The following TAFA2 variants were observed in gnomAD, a reference collection of about 807,000 sequenced individuals.
TAFA2 encodes the protein TAFA chemokine like family member 2.
A neutral mutation model predicts 18.8 loss-of-function variants in TAFA2; 7 were observed. The ratio of observed to expected loss-of-function variants is 0.37; its 90% CI spans 0.21 to 0.70. The LOEUF (loss-of-function observed/expected upper bound fraction) is 0.70. TAFA2 is among the 30% of genes least tolerant of loss of function. TAFA2 has a pLI of 0.53. For synonymous variants in TAFA2, 60 were observed against 54.2 expected (o/e 1.11, Z -0.47); for missense variants, 122 against 158.1 (o/e 0.77, Z 1.23).
intron 2 of TAFA2, among the ~76,000 whole-genome samples, chr12:61,828,578 A>T (rs1012379615): frequency 4.6e-5 from 7 of 151,888 alleles, no homozygotes; most frequent in African/African-American, 1.7e-4. Context: ...AAGTGTACAC[A>T]GTAATACACT....
At chr12:61,885,330 C>G (rs1014251725) in intron 1 of TAFA2, among the ~76,000 whole-genome samples, 6 of 152,132 alleles carry the variant, frequency 3.9e-5, no homozygotes, top group Non-Finnish European at 1.5e-5. Flanking sequence ...AATAGTTGCT[C>G]TTTTGCACAA....
At chr12:61,801,688 C>T (rs1304915763) in intron 2 of TAFA2, among the ~76,000 whole-genome samples, 1 of 152,034 alleles carries the variant, frequency 6.6e-6, no homozygotes, top group Non-Finnish European at 1.5e-5. Context: ...TGCTTAAGGA[C>T]ATTGGTTGAG....
At chr12:61,815,765 T>G (rs1471945489) in intron 2 of TAFA2, among the ~76,000 whole-genome samples, 2 of 151,380 alleles carry the variant, frequency 1.3e-5, no homozygotes, top group African/African-American at 4.9e-5. Flanking sequence ...AGAATCGCAG[T>G]ATTTAGATGG....
At chr12:61,801,879 C>A (rs746982538) in intron 2 of TAFA2, among the ~76,000 whole-genome samples, 1 of 151,970 alleles carries the variant, frequency 6.6e-6, no homozygotes, top group African/African-American at 2.4e-5. Flanking sequence ...GGTCTAATAT[C>A]CAGAATATGC....
chr12:61,962,062 G>A (rs1009863954), intron 1 of TAFA2, among the ~76,000 whole-genome samples: 2 of 151,804 alleles, frequency 1.3e-5, no homozygotes, highest in Admixed American at 6.6e-5. Context: ...CTTTCACTAC[G>A]TATATTGATT....
At chr12:62,238,761 A>C (rs2062849116) in intron 1 of TAFA2, among the ~76,000 whole-genome samples, 1 of 152,212 alleles carries the variant, frequency 6.6e-6, no homozygotes. Flanking sequence ...TTGTTGAACT[A>C]AACCTAATCT....
intron 1 of TAFA2, among the ~76,000 whole-genome samples, chr12:61,904,156 A>G (rs1436901959): frequency 1.3e-5 from 2 of 152,162 alleles, no homozygotes; most frequent in African/African-American, 4.8e-5. Flanking sequence ...ATCAGAGTCA[A>G]TACACACCAG....
intron 1 of TAFA2, chr12:62,235,000 G>C: frequency 3.1e-6 from 2 of 655,000 alleles, no homozygotes; most frequent in Non-Finnish European, 5.8e-6. Context: ...ACTGTCGAGA[G>C]GCCAGGGTAA....
intron 1 of TAFA2, among the ~76,000 whole-genome samples, chr12:62,179,541 C>A (rs536835528): frequency 1.3e-5 from 2 of 152,102 alleles, no homozygotes; most frequent in Non-Finnish European, 2.9e-5. Context: ...TAATAAACAA[C>A]CTTGACAGAA....
intron 2 of TAFA2, among the ~76,000 whole-genome samples, chr12:61,817,721 A>G (rs781670602): frequency 3.3e-5 from 5 of 152,246 alleles, no homozygotes; most frequent in East Asian, 1.9e-4. Context: ...AAAGGCCACA[A>G]TGAGTGAATT....
intron 1 of TAFA2, chr12:62,104,787 C>G (rs1028756448): frequency 2.3e-6 from 1 of 438,658 alleles, no homozygotes; most frequent in African/African-American, 2.1e-5. Flanking sequence ...CTGGCTTTCT[C>G]TAGGGGAGAG....
chr12:61,775,556 T>C (rs1870221792), intron 2 of TAFA2, among the ~76,000 whole-genome samples: 1 of 151,856 alleles, frequency 6.6e-6, no homozygotes, highest in Non-Finnish European at 1.5e-5. Context: ...AAAGGTTACA[T>C]ACTGTATAAT....
intron 2 of TAFA2, among the ~76,000 whole-genome samples, chr12:61,854,563 G>C (rs1407880688): frequency 6.6e-6 from 1 of 151,832 alleles, no homozygotes; most frequent in Non-Finnish European, 1.5e-5. Flanking sequence ...TTACAGAACA[G>C]AGTCAAGCAG....
In TAFA2 at chr12:61,970,562, A is replaced by C. The variant is rs1325037651; in HGVS notation, c.-1-103136T>G. On this transcript the variant is annotated intron_variant, in intron 1 of 4. Coordinates refer to ENST00000416284, the MANE Select transcript of TAFA2 (RefSeq NM_178539.5). ...GTTATAATCTTAAAAATTAAATTGC[A>C]CATCAAACCCCAATTTGGAAGGCTT... Among the ~76,000 whole-genome samples the C allele has an allele frequency of 2.0e-5, 3 of 151,600 alleles. No homozygotes were observed. The East Asian group carries it at 5.8e-4, about 29-fold the overall frequency.
At chr12:62,111,650 G>A (rs901189305) in intron 1 of TAFA2, among the ~76,000 whole-genome samples, 1 of 152,164 alleles carries the variant, frequency 6.6e-6, no homozygotes. Context: ...CTAAGAACTT[G>A]CTGTATGAAT....
intron 1 of TAFA2, among the ~76,000 whole-genome samples, chr12:62,157,362 A>C (rs1458971108): frequency 1.3e-5 from 2 of 152,216 alleles, no homozygotes; most frequent in African/African-American, 4.8e-5. Flanking sequence ...CTATGAAGAA[A>C]GAAGTTGGCA....
intron 2 of TAFA2, 144 bp from the exon 3 acceptor site, chr12:61,755,168 A>C: frequency 1.5e-6 from 1 of 669,918 alleles, no homozygotes; most frequent in Non-Finnish European, 2.4e-6. Flanking sequence ...TGCTAACTCC[A>C]TAATGCAGAT....
intron 4 of TAFA2, among the ~76,000 whole-genome samples, chr12:61,713,295 C>G (rs1337824838): frequency 6.6e-6 from 1 of 152,152 alleles, no homozygotes; most frequent in Non-Finnish European, 1.5e-5. Context: ...TCCGTTTTCT[C>G]TATGTCACTT....
At chr12:61,987,428 T>G (rs140160538) in intron 1 of TAFA2, among the ~76,000 whole-genome samples, 2 of 152,346 alleles carry the variant, frequency 1.3e-5, no homozygotes, top group African/African-American at 4.8e-5. Context: ...AATGTGCTAA[T>G]GTCCTTCTCT....
Sources: gnomAD v4.1 joint callset for allele counts (sites outside exome capture counted in the v4.1 genomes callset) on GRCh38, gnomAD v4.1.1 for gene constraint, MANE v1.5 for transcripts, NCBI Gene and HGNC (gene_info 2026-07-23, HGNC 2026-07-21) for gene names.